SLIT3: variants seen among roughly 807,000 people sequenced by gnomAD.
The protein encoded by SLIT3 is slit guidance ligand 3.
In SLIT3, 68 loss-of-function variants were observed where a neutral mutation model predicts 184.0. The observed-to-expected ratio is 0.37, with a 90% CI of 0.30 to 0.45. SLIT3 has a LOEUF of 0.45. Among genes scored for constraint, SLIT3 ranks in the 20% least tolerant of loss-of-function variants. SLIT3 has a pLI of 1.00. For missense variants in SLIT3, 1,707 were observed against 2,026.0 expected (o/e 0.84, Z 3.02); for synonymous variants, 831 against 828.6 (o/e 1.00, Z -0.05).
chr5:168,702,834 G>C (rs1013982767), intron 26 of SLIT3, among the ~76,000 whole-genome samples: 1 of 152,138 alleles, frequency 6.6e-6, no homozygotes, highest in Non-Finnish European at 1.5e-5. Context: ...CACATGGACC[G>C]TGAAGGGCAG....
chr5:169,141,700 T>C (rs753189822), intron 4 of SLIT3, among the ~76,000 whole-genome samples: 37 of 138,530 alleles, frequency 2.7e-4, no homozygotes, highest in Middle Eastern at 4.5e-3. Flanking sequence ...GATCGCGCCA[T>C]TGCACTCCAG....
intron 6 of SLIT3, among the ~76,000 whole-genome samples, chr5:168,834,183 G>A (rs1561958065): frequency 6.6e-6 from 1 of 152,110 alleles, no homozygotes; most frequent in African/African-American, 2.4e-5. Flanking sequence ...GTATACCTGT[G>A]GAGACAGGAA....
intron 4 of SLIT3, among the ~76,000 whole-genome samples, chr5:169,092,912 T>C (rs1561660163): frequency 6.6e-6 from 1 of 152,230 alleles, no homozygotes; most frequent in African/African-American, 2.4e-5. Flanking sequence ...AGAACTATTA[T>C]GCTGACCTGA....
At chr5:169,147,511 C>T (rs538473787) in intron 4 of SLIT3, among the ~76,000 whole-genome samples, 2 of 152,290 alleles carry the variant, frequency 1.3e-5, no homozygotes, top group African/African-American at 4.8e-5. Context: ...TGCCCATCTG[C>T]AACCCCCAAA....
intron 4 of SLIT3, among the ~76,000 whole-genome samples, chr5:169,171,523 C>T (rs1762819173): frequency 6.6e-6 from 1 of 152,152 alleles, no homozygotes; most frequent in Admixed American, 6.5e-5. Flanking sequence ...TTGTAGCAGC[C>T]CCAAGGATTG....
chr5:169,078,492 C>T (rs184579440), intron 4 of SLIT3, among the ~76,000 whole-genome samples: 5 of 152,212 alleles, frequency 3.3e-5, no homozygotes, highest in East Asian at 1.9e-4. Context: ...ATCACAGACC[C>T]GGTGGGGAAT....
chr5:169,098,051 C>A (rs1208014705), intron 4 of SLIT3, among the ~76,000 whole-genome samples: 1 of 152,100 alleles, frequency 6.6e-6, no homozygotes, highest in Non-Finnish European at 1.5e-5. Context: ...AAAGGATGCC[C>A]AGAGCAAAGA....
chr5:168,760,700 A>C (rs1219321567), intron 16 of SLIT3, among the ~76,000 whole-genome samples, 162 bp downstream of exon 16: 1 of 152,130 alleles, frequency 6.6e-6, no homozygotes, highest in East Asian at 1.9e-4. Flanking sequence ...CTGTGTCTAC[A>C]TGTCTTGCTT....
At chr5:168,956,622 C>A (rs1273726537) in intron 4 of SLIT3, among the ~76,000 whole-genome samples, 1 of 151,882 alleles carries the variant, frequency 6.6e-6, no homozygotes, top group East Asian at 1.9e-4. Flanking sequence ...GGTGAAACCC[C>A]ATCTCTACTA....
chr5:169,172,727 T>C (rs1000666104), intron 4 of SLIT3, among the ~76,000 whole-genome samples: 2 of 152,220 alleles, frequency 1.3e-5, no homozygotes, highest in African/African-American at 4.8e-5. Flanking sequence ...TTCCCATTCA[T>C]GCATTTTTTC....
rs112363733 is a variant in SLIT3 at position 169,279,330 on chromosome 5, A to G, written c.197+21183T>C. On this transcript the variant is annotated intron_variant, in intron 1 of 35. Transcript: ENST00000519560. ...AACAACAGATGCTACTTATTGAGCA[A>G]GGGGCTAGGTGCTTTCCCCACATCC... 5.9e-5 allele frequency among the ~76,000 whole-genome samples: 9 copies of G among 152,328 alleles called. 1 individual carries two copies. Among genetic ancestry groups the G allele is most frequent in the African/African-American group, 2.2e-4 (9 of 41,574 alleles).
At chr5:169,143,798 AAAAAACAAC>A (rs1761829873) in intron 4 of SLIT3, among the ~76,000 whole-genome samples, 1 of 152,210 alleles carries the variant, frequency 6.6e-6, no homozygotes, top group Non-Finnish European at 1.5e-5. Context: ...AGAAAACGAA[AAAAAACAAC>A]AAAAACAGTA....
chr5:168,845,715 C>T (rs1163193660), intron 5 of SLIT3, among the ~76,000 whole-genome samples: 1 of 151,924 alleles, frequency 6.6e-6, no homozygotes, highest in East Asian at 1.9e-4. Context: ...ATATTACATA[C>T]ATAACCCACT....
At chr5:168,838,976 C>G (rs530740362) in intron 6 of SLIT3, among the ~76,000 whole-genome samples, 80 of 152,250 alleles carry the variant, frequency 5.3e-4, no homozygotes, top group African/African-American at 1.9e-3. Context: ...TGGGGCGGCT[C>G]TTGTGATGAA....
chr5:169,100,060 C>G (rs1759949285), intron 4 of SLIT3, among the ~76,000 whole-genome samples: 1 of 152,174 alleles, frequency 6.6e-6, no homozygotes, highest in Admixed American at 6.5e-5. Context: ...ATCTCATCAC[C>G]CTGCCAAGCC....
At chr5:168,667,099 T>G (rs1048493668) in intron 35 of SLIT3, among the ~76,000 whole-genome samples, 1 of 152,092 alleles carries the variant, frequency 6.6e-6, no homozygotes, top group Non-Finnish European at 1.5e-5. Context: ...CACCTGAAAA[T>G]CTGGATTTCT....
At chr5:168,832,281 A>G (rs1290188811) in intron 6 of SLIT3, among the ~76,000 whole-genome samples, 2 of 152,206 alleles carry the variant, frequency 1.3e-5, no homozygotes, top group African/African-American at 4.8e-5. Flanking sequence ...TTTGCAGTTG[A>G]AAAGGGAAGA....
chr5:169,096,042 AT>A, intron 4 of SLIT3, among the ~76,000 whole-genome samples: 1 of 152,242 alleles, frequency 6.6e-6, no homozygotes, highest in East Asian at 1.9e-4. Context: ...TCCATTGCAT[AT>A]TTTTCCAGCG....
At chr5:168,726,098 C>A (rs1402915730) in intron 20 of SLIT3, among the ~76,000 whole-genome samples, 1 of 151,880 alleles carries the variant, frequency 6.6e-6, no homozygotes, top group Non-Finnish European at 1.5e-5. Context: ...TATGCTAGAT[C>A]CTGGGAGAAA....
Sources: allele counts gnomAD v4.1 joint callset (sites outside exome capture counted in the v4.1 genomes callset), GRCh38; gene constraint gnomAD v4.1.1; transcripts MANE v1.5; gene names NCBI Gene and HGNC (gene_info 2026-07-23, HGNC 2026-07-21).